Variants in ADAMTS17 observed in about 807,000 individuals in gnomAD.
ADAMTS17 encodes A disintegrin and metalloproteinase with thrombospondin motifs 17.
In ADAMTS17, 113 loss-of-function variants were observed where a neutral mutation model predicts 141.5. The observed-to-expected ratio is 0.80, with a 90% CI of 0.69 to 0.93. The LOEUF (loss-of-function observed/expected upper bound fraction) is 0.93, where lower values mean the gene tolerates loss of function less well. Among genes scored for constraint, ADAMTS17 ranks in the 40% least tolerant of loss-of-function variants. The pLI, the probability that ADAMTS17 is intolerant of heterozygous loss-of-function variation, is 0.00. For missense variants in ADAMTS17, 1,659 were observed against 1,517.9 expected, an observed-to-expected ratio of 1.09 and a Z score of -1.54; for synonymous variants, 768 against 630.6, an observed-to-expected ratio of 1.22 and a Z score of -3.27.
chr15:100,198,795 G>A (rs2041215412), intron 8 of ADAMTS17, among the ~76,000 whole-genome samples: 1 of 152,186 alleles, frequency 6.6e-6, no homozygotes, highest in Non-Finnish European at 1.5e-5. Flanking sequence ...CTCTCCTTAA[G>A]GCAAGCTCTA....
intron 15 of ADAMTS17, among the ~76,000 whole-genome samples, chr15:100,060,902 G>C (rs567027363): frequency 6.6e-6 from 1 of 152,322 alleles, no homozygotes; most frequent in East Asian, 1.9e-4. Context: ...ACCCAGCCCC[G>C]AGTGGAGACA....
chr15:100,067,236 C>T (rs2033605102), intron 15 of ADAMTS17, among the ~76,000 whole-genome samples: 1 of 151,666 alleles, frequency 6.6e-6, no homozygotes, highest in African/African-American at 2.4e-5. Flanking sequence ...AGCCATCATT[C>T]TAAGTGTCGT....
intron 20 of ADAMTS17, 80 bp from the exon 21 acceptor site, chr15:99,976,302 G>A: frequency 1.3e-6 from 2 of 1,511,034 alleles, no homozygotes; most frequent in Non-Finnish European, 1.8e-6. Context: ...TGGCACTGCG[G>A]AGACAGGACA....
intron 8 of ADAMTS17, among the ~76,000 whole-genome samples, chr15:100,187,181 G>C (rs10152560): frequency 0.013 from 1,943 of 152,280 alleles, 44 homozygotes; most frequent in African/African-American, 0.044. Flanking sequence ...GGGCCATTGA[G>C]ACGGAGATAA....
intron 15 of ADAMTS17, among the ~76,000 whole-genome samples, chr15:100,091,241 G>A (rs969727660): frequency 6.6e-6 from 1 of 151,840 alleles, no homozygotes; most frequent in African/African-American, 2.4e-5. Context: ...AGATACCCCC[G>A]ATGTGGATGC....
At chr15:100,121,213 G>A (rs2037435530) in intron 12 of ADAMTS17, among the ~76,000 whole-genome samples, 1 of 152,180 alleles carries the variant, frequency 6.6e-6, no homozygotes, top group African/African-American at 2.4e-5. Context: ...ATATCTGTGG[G>A]ACACCATCGA....
At chr15:100,141,961 C>G (rs1167545196) in intron 10 of ADAMTS17, among the ~76,000 whole-genome samples, 2 of 152,236 alleles carry the variant, frequency 1.3e-5, no homozygotes, top group East Asian at 1.9e-4. Context: ...GGGACCCCGC[C>G]AGCCACCCAT....
chr15:100,082,973 C>A (rs1429261210), intron 15 of ADAMTS17, among the ~76,000 whole-genome samples: 1 of 152,050 alleles, frequency 6.6e-6, no homozygotes, highest in African/African-American at 2.4e-5. Flanking sequence ...CCTAGAGGTG[C>A]TGTGTTGTGG....
intron 4 of ADAMTS17, among the ~76,000 whole-genome samples, chr15:100,263,160 G>C (rs969993089): frequency 6.6e-6 from 1 of 152,052 alleles, no homozygotes; most frequent in African/African-American, 2.4e-5. Context: ...GGTTTAAGGC[G>C]ACCTTCATGA....
intron 7 of ADAMTS17, among the ~76,000 whole-genome samples, chr15:100,225,050 A>G (rs1219913223): frequency 1.3e-5 from 2 of 152,138 alleles, no homozygotes; most frequent in African/African-American, 4.8e-5. Context: ...CCTGTTACTC[A>G]CCACCAATTT....
At position 100,261,644 on chromosome 15, in the gene ADAMTS17, A is replaced by G. The variant is rs578075217; in HGVS notation, c.874-8T>C. ...CCCAATGGACAACTTAGCCTAAAAA[A>G]AGTCAGAGGACAGTTAGAGAAACAA... On this transcript the variant is annotated splice_region_variant and splice_polypyrimidine_tract_variant and intron_variant, in intron 5 of 21. Transcript: ENST00000268070. 9 of 1,613,150 alleles carry G rather than the reference A, an allele frequency of 5.6e-6. No individual in the cohort carries two copies. The African/African-American group carries it at 9.3e-5, about 17-fold the overall frequency.
chr15:100,307,208 C>G (rs749436201), intron 3 of ADAMTS17, among the ~76,000 whole-genome samples: 1 of 152,050 alleles, frequency 6.6e-6, no homozygotes, highest in Non-Finnish European at 1.5e-5. Context: ...GTGATGACCA[C>G]GTTATAGGAC....
chr15:100,131,866 C>T (rs1456532505), intron 12 of ADAMTS17, 141 bp downstream of exon 12: 6 of 1,317,206 alleles, frequency 4.6e-6, no homozygotes, highest in Non-Finnish European at 5.3e-6. Context: ...GTCCCTGCAC[C>T]CTGGACCTTG....
chr15:100,060,573 T>C (rs1168750717), intron 15 of ADAMTS17, among the ~76,000 whole-genome samples: 1 of 152,226 alleles, frequency 6.6e-6, no homozygotes, highest in Admixed American at 6.5e-5. Context: ...CTCTCTGGCA[T>C]GGAGCTGCAC....
intron 8 of ADAMTS17, among the ~76,000 whole-genome samples, chr15:100,176,928 T>G (rs1057498485): frequency 6.6e-6 from 1 of 152,390 alleles, no homozygotes; most frequent in Admixed American, 6.5e-5. Context: ...TCATCCACAT[T>G]GCTGTGTGTG....
chr15:100,169,174 T>A (rs953074399), intron 8 of ADAMTS17, among the ~76,000 whole-genome samples: 2 of 152,182 alleles, frequency 1.3e-5, no homozygotes, highest in African/African-American at 4.8e-5. Context: ...CCTGAACAGA[T>A]ACCCTAAATT....
chr15:100,281,359 C>T lies in ADAMTS17; in HGVS notation c.659G>A (p.Arg220Gln), dbSNP rs144793764. The T allele has an allele frequency of 8.7e-6, 14 of 1,612,300 alleles. No individual in the cohort carries two copies. Among genetic ancestry groups the T allele is most frequent in the Admixed American group, 3.3e-5 (2 of 60,000 alleles). ...PTWGRPSRDW[R>Q]ERRNAIRLTS... ...GAGCCGGATAGCGTTCCTCCGCTCC[C>T]GCCAGTCCCGCGAAGGCCTGCCCCA... is the stretch of plus-strand genomic sequence containing the variant. The change falls in exon 4 of 22, where the codon CGG (arginine) becomes CAG (glutamine). Residue 220 changes from arginine (R) to glutamine (Q), a missense_variant. By Grantham distance (43) the Arg-to-Gln change is conservative. Transcript: ENST00000268070.
At chr15:100,298,984 G>C (rs2141800805) in intron 3 of ADAMTS17, among the ~76,000 whole-genome samples, 1 of 152,284 alleles carries the variant, frequency 6.6e-6, no homozygotes, top group Non-Finnish European at 1.5e-5. Flanking sequence ...CTTGTAGGTG[G>C]CTGTCACCTT....
intron 18 of ADAMTS17, among the ~76,000 whole-genome samples, chr15:100,026,267 G>A (rs2061513801): frequency 6.6e-6 from 1 of 152,200 alleles, no homozygotes; most frequent in Admixed American, 6.5e-5. Context: ...TGTATGACTA[G>A]ACCACAATCC....
Sources: gnomAD v4.1 joint callset for allele counts (sites outside exome capture counted in the v4.1 genomes callset) on GRCh38, gnomAD v4.1.1 for gene constraint, MANE v1.5 for transcripts, NCBI Gene and HGNC (gene_info 2026-07-23, HGNC 2026-07-21) for gene names.